The following GABRB3 variants were observed in gnomAD, a reference collection of about 807,000 sequenced individuals.
The protein encoded by GABRB3 is gamma-aminobutyric acid type A receptor subunit beta3.
A neutral mutation model predicts 52.1 loss-of-function variants in GABRB3; 14 were observed. That is an observed-to-expected ratio of 0.27 (90% confidence interval 0.18 to 0.42). The LOEUF (loss-of-function observed/expected upper bound fraction) is 0.42. Ranked by LOEUF, GABRB3 falls within the 10% of genes least tolerant of loss-of-function variation. The pLI, the probability that GABRB3 is intolerant of heterozygous loss-of-function variation, is 1.00. For missense variants in GABRB3, 307 were observed against 609.1 expected (o/e 0.50, Z 5.22); for synonymous variants, 260 against 232.3 (o/e 1.12, Z -1.08).
chr15:26,742,722 T>C (rs1595337557), intron 3 of GABRB3, among the ~76,000 whole-genome samples: 2 of 152,342 alleles, frequency 1.3e-5, no homozygotes, highest in South Asian at 2.1e-4. Flanking sequence ...GCTTTTTAAA[T>C]GCTTAAGGAA....
rs1299376143 is a variant in GABRB3 at position 26,715,472 on chromosome 15, G to C, written c.240+56930C>G. 2.6e-5 allele frequency among the ~76,000 whole-genome samples: 4 copies of C among 152,118 alleles called. 1 individual carries two copies. Among genetic ancestry groups the C allele is most frequent in the Admixed American group, 6.5e-5 (1 of 15,268 alleles). On this transcript the variant is annotated intron_variant, in intron 3 of 8. Coordinates refer to ENST00000311550, the MANE Select transcript of GABRB3 (RefSeq NM_000814.6). Reference sequence around the variant, plus strand: ...AGAGAGGAGAGAAAACCCACACGATGTAATAAGACTTGCACAAAAATGCCA... The same window carrying C: ...AGAGAGGAGAGAAAACCCACACGATCTAATAAGACTTGCACAAAAATGCCA...
chr15:26,581,742 T>A (rs1890798463), intron 5 of GABRB3, among the ~76,000 whole-genome samples: 1 of 152,186 alleles, frequency 6.6e-6, no homozygotes. Flanking sequence ...AAATAAAACC[T>A]TTTGCAGAAG....
intron 4 of GABRB3, among the ~76,000 whole-genome samples, chr15:26,594,870 AAC>A (rs984253544): frequency 5.3e-5 from 8 of 152,190 alleles, no homozygotes; most frequent in Non-Finnish European, 8.8e-5. Context: ...ACGAAGAAAA[AAC>A]ACACAAATGA....
chr15:26,624,554 T>C, intron 3 of GABRB3: 1 of 985,468 alleles, frequency 1.0e-6, no homozygotes, highest in Non-Finnish European at 1.2e-6. Context: ...TGTGTCGCTC[T>C]CCGCACCACC....
chr15:26,717,060 T>A (rs1436830683), intron 3 of GABRB3, among the ~76,000 whole-genome samples: 1 of 83,712 alleles, frequency 1.2e-5, no homozygotes, highest in East Asian at 3.6e-4. Flanking sequence ...GGGACCTCCC[T>A]CCGATGACAG....
chr15:26,549,019 C>T (rs1272798493), intron 8 of GABRB3, among the ~76,000 whole-genome samples: 1 of 152,206 alleles, frequency 6.6e-6, no homozygotes, highest in Non-Finnish European at 1.5e-5. Context: ...GCAAGCCCCA[C>T]ACTTCCCTAT....
chr15:26,740,366 G>A (rs1890170167), intron 3 of GABRB3, among the ~76,000 whole-genome samples: 1 of 152,058 alleles, frequency 6.6e-6, no homozygotes, highest in Non-Finnish European at 1.5e-5. Flanking sequence ...AGGAGAGGGG[G>A]TTCACTATGA....
At chr15:26,732,783 G>A (rs1243177534) in intron 3 of GABRB3, among the ~76,000 whole-genome samples, 1 of 152,124 alleles carries the variant, frequency 6.6e-6, no homozygotes, top group African/African-American at 2.4e-5. Flanking sequence ...GAGGTCAGGA[G>A]ATCAAGACCA....
At chr15:26,699,891 C>CA (rs58136683) in intron 3 of GABRB3, among the ~76,000 whole-genome samples, 12,287 of 144,706 alleles carry the variant, frequency 0.085, 1,645 homozygotes, top group African/African-American at 0.29. Flanking sequence ...TCTATTTTTT[C>CA]AAAAAAAAAA....
At chr15:26,588,611 T>A (rs1389458559) in intron 4 of GABRB3, among the ~76,000 whole-genome samples, 1 of 152,154 alleles carries the variant, frequency 6.6e-6, no homozygotes, top group Non-Finnish European at 1.5e-5. Context: ...ACTCAGGAAA[T>A]GAGAATCTTG....
At chr15:26,571,227 T>TCC (rs10664914) in intron 6 of GABRB3, among the ~76,000 whole-genome samples, 1 of 852 alleles carries the variant, frequency 1.2e-3, no homozygotes, top group African/African-American at 1.2e-3. Flanking sequence ...CATGGAACAG[T>TCC]CTGCATCAGT....
At chr15:26,632,093 C>A (rs886480936) in intron 3 of GABRB3, among the ~76,000 whole-genome samples, 1 of 152,196 alleles carries the variant, frequency 6.6e-6, no homozygotes, top group South Asian at 2.1e-4. Flanking sequence ...AAGTGACAGG[C>A]GACCTCACTG....
At chr15:26,713,884 G>A (rs1889384121) in intron 3 of GABRB3, among the ~76,000 whole-genome samples, 1 of 152,202 alleles carries the variant, frequency 6.6e-6, no homozygotes, top group African/African-American at 2.4e-5. Context: ...AGCAAACCCA[G>A]CAGAGGAACC....
At chr15:26,694,824 A>G (rs141921976) in intron 3 of GABRB3, among the ~76,000 whole-genome samples, 1 of 152,358 alleles carries the variant, frequency 6.6e-6, no homozygotes, top group African/African-American at 2.4e-5. Context: ...ACAGTATGCA[A>G]GAACAGATGG....
intron 4 of GABRB3, among the ~76,000 whole-genome samples, chr15:26,601,934 G>A (rs1794713834): frequency 6.6e-6 from 1 of 152,086 alleles, no homozygotes; most frequent in African/African-American, 2.4e-5. Context: ...AAGGTAAAGG[G>A]AATAAATGAT....
At chr15:26,567,784 A>G (rs569488797) in intron 6 of GABRB3, 51 bp from the exon 7 acceptor site, 13 of 1,584,622 alleles carry the variant, frequency 8.2e-6, no homozygotes, top group Non-Finnish European at 9.5e-6. Flanking sequence ...ATGGCAGACT[A>G]AAGAGTTTGC....
intron 3 of GABRB3, among the ~76,000 whole-genome samples, chr15:26,730,264 G>T (rs1889872434): frequency 6.6e-6 from 1 of 152,166 alleles, no homozygotes; most frequent in Non-Finnish European, 1.5e-5. Flanking sequence ...AGACTTACAG[G>T]ATGAATAGCC....
At chr15:26,688,214 C>CT (rs1183648742) in intron 3 of GABRB3, among the ~76,000 whole-genome samples, 1 of 152,208 alleles carries the variant, frequency 6.6e-6, no homozygotes, top group Non-Finnish European at 1.5e-5. Flanking sequence ...GGATGGACGA[C>CT]TGTGCTGGGC....
At chr15:26,711,462 G>A (rs1041195901) in intron 3 of GABRB3, among the ~76,000 whole-genome samples, 2 of 105,884 alleles carry the variant, frequency 1.9e-5, no homozygotes, top group African/African-American at 5.7e-5. Context: ...CCACTGCTCC[G>A]CTCGGCCTCA....
Sources: allele counts gnomAD v4.1 joint callset (sites outside exome capture counted in the v4.1 genomes callset), GRCh38; gene constraint gnomAD v4.1.1; transcripts MANE v1.5; gene names NCBI Gene and HGNC (gene_info 2026-07-23, HGNC 2026-07-21).